Variants in BRWD1 observed in about 807,000 individuals in gnomAD.
BRWD1 encodes the protein bromodomain and WD repeat-containing protein 1.
BRWD1 carries 82 observed loss-of-function variants against 251.2 expected under a neutral mutation model. The observed-to-expected ratio is 0.33, with a 90% CI of 0.27 to 0.39. The LOEUF is 0.39. Ranked by LOEUF, BRWD1 falls within the 10% of genes least tolerant of loss-of-function variation. The probability of loss-of-function intolerance (pLI) is 1.00; values close to 1 mark genes in which losing one functional copy is unlikely to be tolerated. For synonymous variants in BRWD1, 918 were observed against 902.8 expected (o/e 1.02, Z -0.30); for missense variants, 2,233 against 2,711.6 (o/e 0.82, Z 3.92).
chr21:39,184,278 AAT>A (rs1394500292), downstream of BRWD1: 2 of 152,246 alleles, frequency 1.3e-5, no homozygotes, highest in Non-Finnish European at 2.9e-5. Flanking sequence ...GAGTGTAAAA[AAT>A]AGTGTTTTAA....
At position 39,191,789 on chromosome 21, in the gene BRWD1, A is replaced by T; in HGVS notation, c.*4470T>A. 1.0e-6 allele frequency: 1 copy of T among 985,052 alleles called. No homozygotes were observed. The highest frequency in any genetic ancestry group is 1.2e-6 in the Non-Finnish European group (1 of 829,584). The allele number at this position is 985,052 out of a possible 1,614,324, so 61.0% of individuals were successfully genotyped here. On this transcript the variant is annotated 3_prime_UTR_variant, in exon 41 of 41. Transcript: ENST00000342449. ...TGGTCATCTCATTTCAGTTAGGTCAATTGGACTGCCTCTTCTCTTTGGCAG... is the reference window on the plus strand; with the variant it reads ...TGGTCATCTCATTTCAGTTAGGTCATTTGGACTGCCTCTTCTCTTTGGCAG...
chr21:39,319,327 T>C (rs1439611649), intron 1 of BRWD1, among the ~76,000 whole-genome samples: 2 of 152,214 alleles, frequency 1.3e-5, no homozygotes, highest in Non-Finnish European at 2.9e-5. Context: ...TCCCTTGCCA[T>C]TGGCTTCTGT....
At chr21:39,308,526 C>A (rs2036363524) in intron 4 of BRWD1, among the ~76,000 whole-genome samples, 1 of 151,246 alleles carries the variant, frequency 6.6e-6, no homozygotes, top group Non-Finnish European at 1.5e-5. Flanking sequence ...AATACTCTTG[C>A]CCCCAAATAC....
At chr21:39,247,076 CAAA>C (rs542391369) in intron 21 of BRWD1, among the ~76,000 whole-genome samples, 1 of 101,888 alleles carries the variant, frequency 9.8e-6, no homozygotes, top group Non-Finnish European at 2.0e-5. Context: ...GACTCCGTCT[CAAA>C]AAAAAAAAAA....
chr21:39,258,991 T>C (rs192774824), intron 17 of BRWD1, among the ~76,000 whole-genome samples: 1 of 152,204 alleles, frequency 6.6e-6, no homozygotes, highest in African/African-American at 2.4e-5. Flanking sequence ...CCATACTCGA[T>C]ATATTTCACT....
rs547031747 is a variant in BRWD1 at position 39,280,066 on chromosome 21, A to G, written c.932+82T>C. ...AAAAAGCAACAATACACAATTTCTC[A>G]TAACAATAAAACTTCATTTCATTAG... On this transcript the variant is annotated intron_variant, in intron 9 of 40. Transcript: ENST00000342449. 160 of 1,043,566 alleles carry G rather than the reference A, an allele frequency of 1.5e-4. No individual in the cohort carries two copies. The African/African-American group carries it at 1.7e-3, about 11-fold the overall frequency. The allele number at this position is 1,043,566 out of a possible 1,614,324, so 64.6% of individuals were successfully genotyped here.
chr21:39,243,401 A>G (rs988066404), intron 21 of BRWD1, among the ~76,000 whole-genome samples: 1 of 152,200 alleles, frequency 6.6e-6, no homozygotes, highest in Non-Finnish European at 1.5e-5. Context: ...AAATTTGAGT[A>G]AGATCTGCAG....
At chr21:39,276,791 A>G (rs1055945248) in intron 11 of BRWD1, among the ~76,000 whole-genome samples, 4 of 152,234 alleles carry the variant, frequency 2.6e-5, no homozygotes, top group African/African-American at 9.6e-5. Context: ...ACCCACCCAG[A>G]TCAACTGTCA....
At chr21:39,297,941 AAAATT>A (rs2036002006) in intron 5 of BRWD1, 1 of 985,350 alleles carries the variant, frequency 1.0e-6, no homozygotes, top group East Asian at 1.1e-4. Context: ...ACTTGGCAAA[AAAATT>A]AAATTAGTAA....
intron 26 of BRWD1, 50 bp from the exon 27 acceptor site, chr21:39,228,632 T>C (rs1229918577): frequency 9.2e-7 from 1 of 1,081,594 alleles, no homozygotes; most frequent in Admixed American, 1.7e-5. Flanking sequence ...GCAGGTTATA[T>C]AGTCTAAAAG....
Position 39,185,746 on chromosome 21 carries a change from G to A in BRWD1, c.*10513C>T, listed in dbSNP as rs1448807473. The stretch of plus-strand genomic sequence containing the variant: ...ATGCATTTGACTTAAAAAAGAAATA[G>A]AAAACCCTAGGTTTCTGTAGTTTAG... On this transcript the variant is annotated 3_prime_UTR_variant, in exon 41 of 41. Coordinates refer to ENST00000342449, the MANE Select transcript of BRWD1 (RefSeq NM_033656.4). 3 of 150,980 alleles carry A rather than the reference G, an allele frequency of 2.0e-5. No individual in the cohort carries two copies. The highest frequency in any genetic ancestry group is 1.3e-4 in the Admixed American group (2 of 15,180). 9.4% of individuals were successfully genotyped at this position (150,980 alleles called of 1,614,324 possible).
chr21:39,240,427 G>A (rs1048965380), intron 21 of BRWD1, among the ~76,000 whole-genome samples: 4 of 152,216 alleles, frequency 2.6e-5, no homozygotes, highest in African/African-American at 4.8e-5. Context: ...CTAGGAGTTC[G>A]AGGTTGCAGT....
At chr21:39,303,160 T>C (rs2036174432) in intron 4 of BRWD1, among the ~76,000 whole-genome samples, 1 of 152,150 alleles carries the variant, frequency 6.6e-6, no homozygotes, top group Non-Finnish European at 1.5e-5. Flanking sequence ...TAATGTATAT[T>C]GGTAATGTAT....
chr21:39,239,576 G>C (rs1385669171), intron 21 of BRWD1, among the ~76,000 whole-genome samples: 1 of 152,166 alleles, frequency 6.6e-6, no homozygotes, highest in African/African-American at 2.4e-5. Flanking sequence ...CAGATTTACA[G>C]TAAGTCTTAA....
intron 4 of BRWD1, among the ~76,000 whole-genome samples, chr21:39,302,754 TAAAAAAA>T (rs11320601): frequency 2.4e-5 from 3 of 122,632 alleles, no homozygotes; most frequent in South Asian, 2.7e-4. Flanking sequence ...GACTCCGTCT[TAAAAAAA>T]AAAAAAAAAA....
upstream of BRWD1, chr21:39,313,775 C>G (rs537330305): frequency 2.6e-6 from 1 of 391,416 alleles, no homozygotes; most frequent in East Asian, 5.7e-5. Flanking sequence ...AGCTCTCTGC[C>G]TCCGGGGACT....
chr21:39,314,421 C>A, upstream of BRWD1: 1 of 438,500 alleles, frequency 2.3e-6, no homozygotes, highest in Non-Finnish European at 4.6e-6. Context: ...CAAGCATGGA[C>A]AGGAAAACGG....
At chr21:39,213,597 CTTG>C in intron 32 of BRWD1, 44 bp from the exon 33 acceptor site, 1 of 1,322,004 alleles carries the variant, frequency 7.6e-7, no homozygotes, top group Non-Finnish European at 1.1e-6. Flanking sequence ...GATGTAGTGA[CTTG>C]TTGGCAAGGA....
intron 1 of BRWD1, among the ~76,000 whole-genome samples, chr21:39,320,344 T>A (rs2036735284): frequency 6.6e-6 from 1 of 152,186 alleles, no homozygotes; most frequent in African/African-American, 2.4e-5. Context: ...TTCCCTTTTT[T>A]TTCTTGTTGA....
Sources: allele counts gnomAD v4.1 joint callset (sites outside exome capture counted in the v4.1 genomes callset), GRCh38; gene constraint gnomAD v4.1.1; transcripts MANE v1.5; gene names NCBI Gene and HGNC (gene_info 2026-07-23, HGNC 2026-07-21).